Variants in EFCC1 observed in about 807,000 individuals in gnomAD.
EFCC1 encodes the protein EF-hand and coiled-coil domain-containing protein 1.
In EFCC1, 50 loss-of-function variants were observed where a neutral mutation model predicts 52.1. The ratio of observed to expected loss-of-function variants is 0.96; its 90% CI spans 0.76 to 1.21. The LOEUF (loss-of-function observed/expected upper bound fraction) is 1.21. Among genes scored for constraint, EFCC1 ranks in the 50% most tolerant of loss-of-function variants. EFCC1 has a pLI of 0.00. For synonymous variants in EFCC1, 399 were observed against 396.5 expected (o/e 1.01, Z -0.08); for missense variants, 837 against 867.3 (o/e 0.97, Z 0.44).
At chr3:129,003,399 G>A in intron 1 of EFCC1, 1 of 602,994 alleles carries the variant, frequency 1.7e-6, no homozygotes, top group Non-Finnish European at 2.1e-6. Context: ...GGCACGGGGA[G>A]GGCTGGAAAT....
In EFCC1 at chr3:129,038,839, GAA is replaced by G. The variant is rs1559977706; in HGVS notation, c.1605_1606del (p.Arg536SerfsTer103). 1 of 1,613,836 alleles carries G rather than the reference GAA, an allele frequency of 6.2e-7. No individual in the cohort carries two copies. The highest frequency in any genetic ancestry group is 1.1e-5 in the South Asian group (1 of 91,068). On this transcript the variant is annotated frameshift_variant, in exon 7 of 8. Transcript: ENST00000683648. LOFTEE classifies it high-confidence loss of function. Reference protein sequence around the residue: ...LQRLRDLNISKRALGKILLST... With the variant: ...LQRLRDLNISXRALGKILLST... ...TTCCATTTCTTTTTAAGAACATATC[GAA>G]AAGAGCCCTGGGGAAGATTTTGCTG...
chr3:129,015,421 G>C (rs563448630), intron 2 of EFCC1, among the ~76,000 whole-genome samples: 46 of 152,104 alleles, frequency 3.0e-4, no homozygotes, highest in Non-Finnish European at 4.0e-4. Flanking sequence ...TGCTCCTTCG[G>C]GGGGGGAGGT....
chr3:129,003,974 C>A lies in EFCC1; in HGVS notation c.877C>A (p.Leu293Met), dbSNP rs1944935838. ...CGCGGAGGAGGCCCGGCAGGTGGTG[C>A]TGCGCAGCCTGCACCGCGTGCGAGA... ...RRAEEARQVV[L>M]RSLHRVRELE... Residue 293 changes from leucine to methionine, a missense_variant, in exon 2 of 8, where the codon CTG (leucine) becomes ATG (methionine). Physicochemically the swap from Leu to Met is conservative, Grantham distance 15. Coordinates refer to ENST00000683648, the MANE Select transcript of EFCC1 (RefSeq NM_001377500.1). The A allele has an allele frequency of 1.4e-6, 2 of 1,473,430 alleles. No individual in the cohort carries two copies. Among genetic ancestry groups the A allele is most frequent in the African/African-American group, 1.5e-5 (1 of 68,026 alleles). 91.3% of individuals were successfully genotyped at this position (1,473,430 alleles called of 1,614,324 possible).
In EFCC1 at chr3:129,001,925, A is replaced by T. The variant is rs779914968; in HGVS notation, c.297A>T (p.Ala99=). ...RAEGATTAGQ[A]AGDGNSRDVT... is the part of the protein sequence containing the mutation. ...AGGGGGCCACCACGGCCGGGCAGGCAGCAGGTGACGGGAACTCCAGAGATG... is the reference window on the plus strand; with the variant it reads ...AGGGGGCCACCACGGCCGGGCAGGCTGCAGGTGACGGGAACTCCAGAGATG... Residue 99 remains alanine (A), a synonymous_variant, in exon 1 of 8, where the codon GCA becomes GCT. Coordinates refer to ENST00000683648, the MANE Select transcript of EFCC1 (RefSeq NM_001377500.1). 1 of 1,539,892 alleles carries T rather than the reference A, an allele frequency of 6.5e-7. No homozygotes were observed. Among genetic ancestry groups the T allele is most frequent in the African/African-American group, 1.4e-5 (1 of 71,868 alleles).
chr3:129,028,948 C>T (rs1946208364), intron 2 of EFCC1, among the ~76,000 whole-genome samples: 1 of 152,142 alleles, frequency 6.6e-6, no homozygotes, highest in Non-Finnish European at 1.5e-5. Flanking sequence ...GCCTCATTGG[C>T]TTTTTTAAAG....
chr3:129,039,673 A>G (rs527662505), intron 7 of EFCC1, 39 bp from the exon 8 acceptor site: 1 of 1,550,580 alleles, frequency 6.4e-7, no homozygotes, highest in Non-Finnish European at 8.8e-7. Flanking sequence ...GAAGGTGAGC[A>G]GACTGATCCT....
chr3:129,018,252 G>A (rs1945675746), intron 2 of EFCC1, among the ~76,000 whole-genome samples: 1 of 152,298 alleles, frequency 6.6e-6, no homozygotes, highest in South Asian at 2.1e-4. Context: ...TCCATAGGGA[G>A]CAGAAGTCAT....
chr3:129,003,179 AT>A (rs1175208345), intron 1 of EFCC1: 1 of 972,816 alleles, frequency 1.0e-6, no homozygotes, highest in African/African-American at 1.8e-5. Flanking sequence ...GTCAGTGTGC[AT>A]GGAAGCCAGG....
chr3:129,034,216 G>A lies in EFCC1; in HGVS notation c.1339G>A (p.Gly447Ser), dbSNP rs567338824. The change falls in exon 5 of 8, where the codon GGT becomes AGT. Residue 447 changes from glycine (G) to serine (S), a missense_variant. Transcript: ENST00000683648. ...CATGACTTACTTTGGTCACTTCGGC[G>A]GTGCCAACCATGCCCATACCCTGGG... ...KLMTYFGHFG[G>S]ANHAHTLGEL... 7.2e-5 allele frequency: 117 copies of A among 1,614,228 alleles called. No homozygotes were observed. The highest frequency in any genetic ancestry group is 8.8e-5 in the South Asian group (8 of 91,088).
chr3:129,014,414 C>G lies in EFCC1; in HGVS notation c.980+10337C>G, dbSNP rs1400285978. Among the ~76,000 whole-genome samples, 2 of 152,240 alleles carry G rather than the reference C, an allele frequency of 1.3e-5. No individual in the cohort carries two copies. The highest frequency in any genetic ancestry group is 2.4e-5 in the African/African-American group (1 of 41,466). On this transcript the variant is annotated intron_variant, in intron 2 of 7. Coordinates refer to ENST00000683648, the MANE Select transcript of EFCC1 (RefSeq NM_001377500.1). This position sits in a 1 kb window ranked among gnomAD's most constrained non-coding sequence, Gnocchi z 4.3. ...AGCGTTGGCTTCTCCTGCGGCCTCTCTCCTGGGCTGGCAGCCAGGGCCGCC... is the reference window on the plus strand; with the variant it reads ...AGCGTTGGCTTCTCCTGCGGCCTCTGTCCTGGGCTGGCAGCCAGGGCCGCC...
rs559331172 is a variant in EFCC1, at chr3:129,001,522, C to T, written c.-107C>T. ...GTCCCCGGCGCCGCTCCAACCAGAC[C>T]GCGACCGCTAAGCCCCTCCTTTCGA... On this transcript the variant is annotated 5_prime_UTR_variant, in exon 1 of 8. Transcript: ENST00000683648. The T allele has an allele frequency of 2.3e-6, 3 of 1,331,474 alleles. No individual in the cohort carries two copies. Among genetic ancestry groups the T allele is most frequent in the Admixed American group, 8.0e-5 (2 of 24,990 alleles). 82.5% of individuals were successfully genotyped at this position (1,331,474 alleles called of 1,614,324 possible).
In EFCC1 at chr3:129,030,871, T is replaced by C; in HGVS notation, c.1138+11T>C. 2 of 1,545,378 alleles carry C rather than the reference T, an allele frequency of 1.3e-6. No individual in the cohort carries two copies. Among genetic ancestry groups the C allele is most frequent in the Middle Eastern group, 1.7e-4 (1 of 5,942 alleles). On this transcript the variant is annotated intron_variant, in intron 3 of 7. Coordinates refer to ENST00000683648, the MANE Select transcript of EFCC1 (RefSeq NM_001377500.1). Reference sequence around the variant, plus strand: ...GAGCCCTGGATGAAGGTTTGTCCCCTGTGCGCCCAGTCTTCCTGCCAGGCT... The same window carrying C: ...GAGCCCTGGATGAAGGTTTGTCCCCCGTGCGCCCAGTCTTCCTGCCAGGCT...
intron 2 of EFCC1, among the ~76,000 whole-genome samples, chr3:129,024,257 C>A (rs1427551019): frequency 6.6e-6 from 1 of 152,060 alleles, no homozygotes; most frequent in Non-Finnish European, 1.5e-5. Context: ...GGGGCTGGGT[C>A]TAGTGGCTCA....
intron 2 of EFCC1, among the ~76,000 whole-genome samples, chr3:129,012,037 C>T (rs1050989339): frequency 1.3e-5 from 2 of 152,234 alleles, no homozygotes; most frequent in African/African-American, 4.8e-5. Context: ...AAATAAGCTT[C>T]AGCCTTTTCA....
intron 2 of EFCC1, 21 bp downstream of exon 2, chr3:129,004,098 T>G (rs1944947141): frequency 6.8e-7 from 1 of 1,472,412 alleles, no homozygotes; most frequent in East Asian, 2.8e-5. Flanking sequence ...GCGCGTGCCC[T>G]GGGCCCAAGT....
intron 3 of EFCC1, among the ~76,000 whole-genome samples, chr3:129,032,157 C>T (rs1313812714): frequency 6.6e-6 from 1 of 152,202 alleles, no homozygotes. Context: ...CCTTCCTCCA[C>T]ACTACTCCAA....
At chr3:129,039,666 G>A in intron 7 of EFCC1, 46 bp from the exon 8 acceptor site, 1 of 1,540,640 alleles carries the variant, frequency 6.5e-7, no homozygotes, top group South Asian at 1.2e-5. Context: ...TGTGGGTGAA[G>A]GTGAGCAGAC....
In EFCC1 at chr3:129,001,894, G is replaced by A. The variant is rs1444738110; in HGVS notation, c.266G>A (p.Arg89His). 2 of 1,538,554 alleles carry A rather than the reference G, an allele frequency of 1.3e-6. No individual in the cohort carries two copies. Among genetic ancestry groups the A allele is most frequent in the East Asian group, 5.0e-5 (2 of 40,082 alleles). Residue 89 changes from arginine (R) to histidine (H), a missense_variant, in exon 1 of 8, where the codon CGC becomes CAC. Physicochemically the swap from Arg to His is conservative, Grantham distance 29 (BLOSUM62 0). Coordinates refer to ENST00000683648, the MANE Select transcript of EFCC1 (RefSeq NM_001377500.1). ...GCGCTCTGCGCTGTGCTGGGGCTGC[G>A]CGCGGAGGGGGCCACCACGGCCGGG... ...FRALCAVLGL[R>H]AEGATTAGQA...
At chr3:129,017,945 CA>C (rs1945662431) in intron 2 of EFCC1, among the ~76,000 whole-genome samples, 2 of 152,102 alleles carry the variant, frequency 1.3e-5, no homozygotes, top group South Asian at 4.1e-4. Flanking sequence ...CTGTACCAGC[CA>C]GGAAGTTATG....
Sources: gnomAD v4.1 joint callset for allele counts (sites outside exome capture counted in the v4.1 genomes callset) on GRCh38, gnomAD v4.1.1 for gene constraint, Gnocchi (gnomAD v3.1) non-coding constraint, MANE v1.5 for transcripts, NCBI Gene and HGNC (gene_info 2026-07-23, HGNC 2026-07-21) for gene names.